The following RGL1 variants were observed in gnomAD, a reference collection of about 807,000 sequenced individuals.
The protein encoded by RGL1 is ral guanine nucleotide dissociation stimulator like 1.
Under a neutral mutation model 95.2 loss-of-function variants are expected in RGL1, and 24 were observed. The observed-to-expected ratio is 0.25, with a 90% CI of 0.18 to 0.35. The LOEUF (loss-of-function observed/expected upper bound fraction) is 0.35. Ranked by LOEUF, RGL1 falls within the 10% of genes least tolerant of loss-of-function variation. The probability of loss-of-function intolerance (pLI) is 1.00; values close to 1 mark genes in which losing one functional copy is unlikely to be tolerated. For missense variants in RGL1, 715 were observed against 936.3 expected (o/e 0.76, Z 3.08); for synonymous variants, 329 against 344.9 (o/e 0.95, Z 0.51).
chr1:183,644,554 G>C (rs1439788095), intron 1 of RGL1, among the ~76,000 whole-genome samples: 2 of 151,984 alleles, frequency 1.3e-5, no homozygotes, highest in Non-Finnish European at 2.9e-5. Flanking sequence ...GCCTACCAAA[G>C]TACTGAGATT....
At chr1:183,875,657 C>T (rs1166058201) in intron 4 of RGL1, among the ~76,000 whole-genome samples, 2 of 151,922 alleles carry the variant, frequency 1.3e-5, no homozygotes, top group Non-Finnish European at 1.5e-5. Flanking sequence ...AGGTGGATCA[C>T]CTGAGGTCAG....
chr1:183,889,660 C>T (rs965466474), intron 8 of RGL1, among the ~76,000 whole-genome samples: 3 of 152,116 alleles, frequency 2.0e-5, no homozygotes, highest in South Asian at 2.1e-4. Flanking sequence ...CTCATATTCT[C>T]GTTCAGGGGA....
chr1:183,806,603 G>C (rs765902683), intron 2 of RGL1, 118 bp downstream of exon 2: 67 of 685,386 alleles, frequency 9.8e-5, no homozygotes, highest in Non-Finnish European at 1.5e-4. Context: ...CTTTAAAAAG[G>C]AAAATGCTAA....
chr1:183,912,408 G>A (rs189903320), intron 15 of RGL1, 140 bp downstream of exon 15: 3 of 705,150 alleles, frequency 4.3e-6, no homozygotes, highest in Non-Finnish European at 6.8e-6. Context: ...ATCAAAAGAA[G>A]AGTTCAATTT....
intron 1 of RGL1, among the ~76,000 whole-genome samples, chr1:183,687,821 A>G (rs1049504016): frequency 6.6e-6 from 1 of 152,210 alleles, no homozygotes; most frequent in African/African-American, 2.4e-5. Context: ...TAAAACTGGA[A>G]ACTTAAAATG....
intron 2 of RGL1, among the ~76,000 whole-genome samples, chr1:183,773,601 A>C (rs193204139): frequency 4.5e-4 from 68 of 152,314 alleles, no homozygotes; most frequent in African/African-American, 1.6e-3. Flanking sequence ...TTATAATTTT[A>C]CTGGATTTCT....
At chr1:183,826,522 T>C (rs551480631) in intron 2 of RGL1, among the ~76,000 whole-genome samples, 1 of 152,322 alleles carries the variant, frequency 6.6e-6, no homozygotes, top group East Asian at 1.9e-4. Context: ...ACCTAGCCGA[T>C]GGAAGACACG....
upstream of RGL1, among the ~76,000 whole-genome samples, chr1:183,803,738 G>A (rs184438340): frequency 3.0e-4 from 46 of 152,264 alleles, no homozygotes; most frequent in African/African-American, 9.9e-4. Context: ...GTTGCATTTC[G>A]TGGTGTCCAA....
chr1:183,845,760 G>A (rs886996407), intron 2 of RGL1, among the ~76,000 whole-genome samples: 5 of 152,110 alleles, frequency 3.3e-5, no homozygotes, highest in Admixed American at 1.3e-4. Context: ...AGATTTCCAC[G>A]GAGAATATAC....
intron 1 of RGL1, among the ~76,000 whole-genome samples, chr1:183,695,622 T>C (rs1321048055): frequency 6.6e-6 from 1 of 152,210 alleles, no homozygotes; most frequent in Admixed American, 6.5e-5. Context: ...ATAATAGAAA[T>C]GACTAGATTG....
intron 17 of RGL1, among the ~76,000 whole-genome samples, chr1:183,924,463 G>A (rs945514199): frequency 2.0e-5 from 3 of 152,006 alleles, no homozygotes; most frequent in Non-Finnish European, 4.4e-5. Flanking sequence ...ATCACACACC[G>A]GGGCCTGTTG....
chr1:183,844,572 T>G (rs1470143674), intron 2 of RGL1, among the ~76,000 whole-genome samples: 7 of 151,888 alleles, frequency 4.6e-5, no homozygotes, highest in African/African-American at 1.7e-4. Flanking sequence ...ACCATAGGAG[T>G]TTTTTTTGGA....
chr1:183,835,770 T>C (rs1258728176), intron 2 of RGL1, among the ~76,000 whole-genome samples: 1 of 152,066 alleles, frequency 6.6e-6, no homozygotes, highest in Non-Finnish European at 1.5e-5. Context: ...TGAAAAGTAT[T>C]TGTAGAGTGC....
intron 2 of RGL1, among the ~76,000 whole-genome samples, chr1:183,785,152 C>T (rs1332255457): frequency 1.3e-5 from 2 of 152,144 alleles, no homozygotes; most frequent in Non-Finnish European, 2.9e-5. Context: ...GAAATCTCCC[C>T]ATAATCTCCA....
At chr1:183,704,331 A>C (rs1267818045) in intron 1 of RGL1, among the ~76,000 whole-genome samples, 1 of 152,142 alleles carries the variant, frequency 6.6e-6, no homozygotes, top group African/African-American at 2.4e-5. Flanking sequence ...TGAGTGCACT[A>C]TGTGGAATGC....
chr1:183,665,023 T>A (rs1651933842), intron 1 of RGL1, among the ~76,000 whole-genome samples: 1 of 152,192 alleles, frequency 6.6e-6, no homozygotes, highest in African/African-American at 2.4e-5. Context: ...GTAGATTTTT[T>A]AAAAATCAAG....
chr1:183,773,483 G>A (rs2102336411), intron 2 of RGL1, among the ~76,000 whole-genome samples: 1 of 152,306 alleles, frequency 6.6e-6, no homozygotes, highest in South Asian at 2.1e-4. Context: ...TGAGTGACAG[G>A]ATTTCTGGGA....
chr1:183,845,748 A>C (rs1405347171), intron 2 of RGL1, among the ~76,000 whole-genome samples: 5 of 152,196 alleles, frequency 3.3e-5, no homozygotes, highest in Non-Finnish European at 5.9e-5. Flanking sequence ...TTCCATCTCC[A>C]TAGATTTCCA....
intron 17 of RGL1, among the ~76,000 whole-genome samples, chr1:183,923,413 C>A (rs1182693888): frequency 6.6e-6 from 1 of 152,208 alleles, no homozygotes; most frequent in Non-Finnish European, 1.5e-5. Context: ...GGCTGTGGGG[C>A]AACACTTTCT....
Sources: allele counts gnomAD v4.1 joint callset (sites outside exome capture counted in the v4.1 genomes callset), GRCh38; gene constraint gnomAD v4.1.1; transcripts MANE v1.5; gene names NCBI Gene and HGNC (gene_info 2026-07-23, HGNC 2026-07-21).